LOXL2: variants seen among roughly 807,000 people sequenced by gnomAD.
LOXL2 encodes the protein lysyl oxidase homolog 2.
A neutral mutation model predicts 93.0 loss-of-function variants in LOXL2; 70 were observed. The ratio of observed to expected loss-of-function variants is 0.75; its 90% CI spans 0.62 to 0.92. The LOEUF is 0.92. Among genes scored for constraint, LOXL2 ranks in the 40% least tolerant of loss-of-function variants. LOXL2 has a pLI of 0.00. For synonymous variants in LOXL2, 438 were observed against 413.2 expected (o/e 1.06, Z -0.73); for missense variants, 973 against 1,054.9 (o/e 0.92, Z 1.08).
chr8:23,344,620 T>G (rs1029987521), intron 3 of LOXL2, among the ~76,000 whole-genome samples: 1 of 152,060 alleles, frequency 6.6e-6, no homozygotes, highest in Non-Finnish European at 1.5e-5. Context: ...TGATGATGTA[T>G]GCATGACAGG....
In LOXL2 at chr8:23,360,169, G is replaced by A. The variant is rs186026557; in HGVS notation, c.452C>T (p.Thr151Met). The A allele has an allele frequency of 5.8e-5, 93 of 1,614,060 alleles. No homozygotes were observed. The highest frequency in any genetic ancestry group is 8.9e-5 in the East Asian group (4 of 44,892). The change falls in exon 3 of 14, where the codon ACG (threonine) becomes ATG (methionine). Residue 151 changes from threonine to methionine, a missense_variant. By Grantham distance (81) the Thr-to-Met change is moderately conservative (BLOSUM62 -1). Transcript: ENST00000389131. The part of the protein sequence containing the change: ...NGWGVTDCKH[T>M]EDVGVVCSDK... ...GCTGCACACCACACCGACATCCTCC[G>A]TGTGCTTGCAGTCAGTGACGCCCCA... is the stretch of plus-strand genomic sequence containing the variant.
intron 10 of LOXL2, among the ~76,000 whole-genome samples, chr8:23,307,425 A>G (rs1414251722): frequency 6.6e-6 from 1 of 152,200 alleles, no homozygotes; most frequent in Non-Finnish European, 1.5e-5. Context: ...ACATCTGTAA[A>G]CAAAGAAATA....
intron 3 of LOXL2, chr8:23,341,512 C>G (rs1803882888): frequency 2.2e-6 from 1 of 449,764 alleles, no homozygotes. Context: ...TCTTGGAGAG[C>G]AAAGGGCAGC....
intron 1 of LOXL2, among the ~76,000 whole-genome samples, chr8:23,403,478 G>A (rs2117246992): frequency 6.6e-6 from 1 of 151,992 alleles, no homozygotes; most frequent in African/African-American, 2.4e-5. Context: ...CCCCCACTCC[G>A]TCCCAGCCCA....
chr8:23,368,575 C>G (rs958969608), intron 1 of LOXL2, 141 bp from the exon 2 acceptor site: 1 of 587,556 alleles, frequency 1.7e-6, no homozygotes, highest in Non-Finnish European at 3.0e-6. Context: ...TCCTACATTT[C>G]CACCATGCAG....
At chr8:23,369,892 C>T (rs1804469659) in intron 1 of LOXL2, among the ~76,000 whole-genome samples, 1 of 152,148 alleles carries the variant, frequency 6.6e-6, no homozygotes, top group Non-Finnish European at 1.5e-5. Flanking sequence ...ACATCTGCAT[C>T]CTCAAGCTTA....
At chr8:23,341,312 C>T (rs1362525523) in intron 3 of LOXL2, 109 bp from the exon 4 acceptor site, 34 of 880,962 alleles carry the variant, frequency 3.9e-5, no homozygotes. Flanking sequence ...TGCCGCGGGC[C>T]TGCCTGTGCC....
intron 3 of LOXL2, among the ~76,000 whole-genome samples, chr8:23,349,850 G>C (rs907850718): frequency 6.6e-6 from 1 of 151,998 alleles, no homozygotes; most frequent in East Asian, 1.9e-4. Flanking sequence ...GAAGGAACCA[G>C]TAATGATTTT....
At chr8:23,395,317 CAAA>C (rs111889384) in intron 1 of LOXL2, among the ~76,000 whole-genome samples, 4 of 82,038 alleles carry the variant, frequency 4.9e-5, no homozygotes, top group Admixed American at 1.2e-4. Context: ...AAAGCCAGAC[CAAA>C]AAAAAAAAAA....
chr8:23,379,201 C>T (rs1212557733), intron 1 of LOXL2, among the ~76,000 whole-genome samples: 1 of 152,172 alleles, frequency 6.6e-6, no homozygotes, highest in Non-Finnish European at 1.5e-5. Flanking sequence ...TGGAGGTCCA[C>T]TCCAGACCCT....
chr8:23,303,672 G>A (rs181219765), intron 10 of LOXL2, among the ~76,000 whole-genome samples: 9 of 152,294 alleles, frequency 5.9e-5, no homozygotes, highest in Admixed American at 4.6e-4. Context: ...GGTGCTGTGG[G>A]TACCAGGGAG....
At chr8:23,306,925 CG>C (rs1356359577) in intron 10 of LOXL2, among the ~76,000 whole-genome samples, 1 of 152,214 alleles carries the variant, frequency 6.6e-6, no homozygotes, top group Non-Finnish European at 1.5e-5. Context: ...AGAATAACTC[CG>C]GGGGCACTTT....
intron 3 of LOXL2, among the ~76,000 whole-genome samples, chr8:23,351,505 G>A (rs1585365015): frequency 6.6e-6 from 1 of 152,160 alleles, no homozygotes; most frequent in African/African-American, 2.4e-5. Context: ...AGTACATCCT[G>A]TTCATTTATT....
At chr8:23,324,238 C>T (rs542683301) in intron 6 of LOXL2, among the ~76,000 whole-genome samples, 2 of 152,290 alleles carry the variant, frequency 1.3e-5, no homozygotes, top group African/African-American at 4.8e-5. Flanking sequence ...TGTAAACTTG[C>T]GTGGCTGTCT....
At chr8:23,352,821 T>C (rs1264818663) in intron 3 of LOXL2, among the ~76,000 whole-genome samples, 2 of 151,890 alleles carry the variant, frequency 1.3e-5, no homozygotes, top group African/African-American at 4.8e-5. Context: ...CGTCCCTCTG[T>C]TGGCCCCTCA....
At chr8:23,362,607 G>A (rs1053192827) in intron 2 of LOXL2, among the ~76,000 whole-genome samples, 6 of 152,116 alleles carry the variant, frequency 3.9e-5, no homozygotes, top group African/African-American at 7.2e-5. Flanking sequence ...GGTGGCGCAC[G>A]CCTGTAGTCC....
chr8:23,388,303 G>A (rs1804792749), intron 1 of LOXL2, among the ~76,000 whole-genome samples: 1 of 152,034 alleles, frequency 6.6e-6, no homozygotes, highest in African/African-American at 2.4e-5. Context: ...TTAGAAATGG[G>A]CTGGGTGCTC....
chr8:23,351,722 T>C (rs1038388090), intron 3 of LOXL2, among the ~76,000 whole-genome samples: 5 of 152,204 alleles, frequency 3.3e-5, no homozygotes, highest in Admixed American at 1.3e-4. Context: ...AGATTTTCAG[T>C]TGGGAAAATA....
At chr8:23,369,953 A>C (rs1011049283) in intron 1 of LOXL2, among the ~76,000 whole-genome samples, 2 of 152,116 alleles carry the variant, frequency 1.3e-5, no homozygotes, top group Non-Finnish European at 2.9e-5. Context: ...TATTATTAGG[A>C]TTCTTATTTT....
Sources: gnomAD v4.1 joint callset for allele counts (sites outside exome capture counted in the v4.1 genomes callset) on GRCh38, gnomAD v4.1.1 for gene constraint, MANE v1.5 for transcripts, NCBI Gene and HGNC (gene_info 2026-07-23, HGNC 2026-07-21) for gene names.